The following TSPAN18 variants were observed in gnomAD, a reference collection of about 807,000 sequenced individuals.
The protein encoded by TSPAN18 is tetraspanin-18.
In TSPAN18, 14 loss-of-function variants were observed where a neutral mutation model predicts 27.3. The observed-to-expected ratio is 0.51, with a 90% confidence interval of 0.34 to 0.80. The LOEUF (loss-of-function observed/expected upper bound fraction) is 0.80. Among genes scored for constraint, TSPAN18 ranks in the 30% least tolerant of loss-of-function variants. The probability of loss-of-function intolerance (pLI) is 0.01; values close to 1 mark genes in which losing one functional copy is unlikely to be tolerated. For missense variants in TSPAN18, 268 were observed against 323.9 expected, an observed-to-expected ratio of 0.83 and a Z score of 1.32; for synonymous variants, 143 against 136.5, an observed-to-expected ratio of 1.05 and a Z score of -0.33.
intron 2 of TSPAN18, among the ~76,000 whole-genome samples, chr11:44,837,538 C>G (rs4755901): frequency 0.35 from 52,487 of 152,084 alleles, 9,653 homozygotes; most frequent in East Asian, 0.63. Flanking sequence ...GGCAGGGTTT[C>G]AAAGGATGGA....
intron 3 of TSPAN18, among the ~76,000 whole-genome samples, chr11:44,882,926 G>A (rs553048060): frequency 5.9e-5 from 9 of 152,156 alleles, no homozygotes; most frequent in Admixed American, 2.0e-4. Context: ...AAGCCCCGTC[G>A]GAGTCCTGCT....
At chr11:44,812,216 A>G (rs1856733278) in intron 2 of TSPAN18, among the ~76,000 whole-genome samples, 1 of 152,182 alleles carries the variant, frequency 6.6e-6, no homozygotes, top group Non-Finnish European at 1.5e-5. Flanking sequence ...CAGCCTGGCC[A>G]CTTCCTGGCT....
intron 2 of TSPAN18, among the ~76,000 whole-genome samples, chr11:44,818,592 A>AT (rs1334161740): frequency 1.3e-5 from 2 of 152,036 alleles, no homozygotes; most frequent in Non-Finnish European, 1.5e-5. Flanking sequence ...GAGCTAGAGC[A>AT]TCCCCCATTC....
intron 2 of TSPAN18, among the ~76,000 whole-genome samples, chr11:44,835,349 A>G (rs182997365): frequency 2.6e-5 from 4 of 152,362 alleles, no homozygotes; most frequent in African/African-American, 9.6e-5. Context: ...GCATATCCAT[A>G]TAGGGACTGG....
Position 44,930,720 on chromosome 11 carries a change from G to T in TSPAN18, c.*1542G>T, listed in dbSNP as rs1445237038. 2 of 404,630 alleles carry T rather than the reference G, an allele frequency of 4.9e-6. No homozygotes were observed. Among genetic ancestry groups the T allele is most frequent in the Admixed American group, 5.1e-5 (2 of 38,924 alleles). 25.1% of individuals were successfully genotyped at this position (404,630 alleles called of 1,614,324 possible). A position where few individuals can be genotyped will look rare whatever the true frequency, so the allele number is the denominator to read the frequency against. On this transcript the variant is annotated 3_prime_UTR_variant, in exon 10 of 10. Coordinates refer to ENST00000520358, the MANE Select transcript of TSPAN18 (RefSeq NM_130783.5). ...TGCTGGGGATCTGAGGTTTGGTCTG[G>T]GCTCAGTGGGAGACGGCAGTGCAAT...
At chr11:44,895,041 A>C (rs537754320) in intron 3 of TSPAN18, among the ~76,000 whole-genome samples, 1 of 152,306 alleles carries the variant, frequency 6.6e-6, no homozygotes, top group Admixed American at 6.5e-5. Context: ...AATAATACCC[A>C]CCTCCTAGGT....
At chr11:44,727,365 GC>G in intron 1 of TSPAN18, 78 bp downstream of exon 1, 1 of 152,630 alleles carries the variant, frequency 6.6e-6, no homozygotes, top group Non-Finnish European at 1.5e-5. Context: ...CCCGCGCGCC[GC>G]CCCGGGGGTG....
Position 44,812,531 on chromosome 11 carries a change from C to T in TSPAN18, c.-152-47797C>T, listed in dbSNP as rs147075175. 7.0e-3 allele frequency among the ~76,000 whole-genome samples: 1,071 copies of T among 152,292 alleles called. 9 individuals are homozygous for T. Among genetic ancestry groups the T allele is most frequent in the Non-Finnish European group, 0.011 (743 of 68,022 alleles). The stretch of plus-strand genomic sequence containing the variant: ...AAACAGACTCACAGAGGGGGCACCA[C>T]GTGCTGCTGGAACCCAGGGGAGGTG... On this transcript the variant is annotated intron_variant, in intron 2 of 9. Transcript: ENST00000520358.
At chr11:44,824,116 G>C (rs1856986124) in intron 2 of TSPAN18, among the ~76,000 whole-genome samples, 1 of 152,154 alleles carries the variant, frequency 6.6e-6, no homozygotes, top group Non-Finnish European at 1.5e-5. Flanking sequence ...CATCATTGAG[G>C]GTTTGGAGTT....
At chr11:44,849,007 C>T (rs565876211) in intron 2 of TSPAN18, among the ~76,000 whole-genome samples, 3 of 152,358 alleles carry the variant, frequency 2.0e-5, no homozygotes, top group Admixed American at 1.3e-4. Context: ...CTCTCTGAGC[C>T]TCCATTTCTT....
intron 2 of TSPAN18, among the ~76,000 whole-genome samples, chr11:44,813,453 G>T (rs890502095): frequency 3.9e-5 from 6 of 152,214 alleles, no homozygotes; most frequent in Non-Finnish European, 2.9e-5. Flanking sequence ...CAGTTCAAGT[G>T]CTCAGCACAC....
chr11:44,901,886 C>T (rs1489678519), intron 3 of TSPAN18, among the ~76,000 whole-genome samples: 4 of 152,206 alleles, frequency 2.6e-5, no homozygotes, highest in Admixed American at 6.5e-5. Flanking sequence ...GGGCATAGTA[C>T]GTCCTGCTTT....
chr11:44,732,652 T>A (rs1854691350), intron 1 of TSPAN18, among the ~76,000 whole-genome samples: 7 of 151,672 alleles, frequency 4.6e-5, no homozygotes, highest in Admixed American at 4.6e-4. Flanking sequence ...TGAGTAAGAG[T>A]TTTTTGGGAC....
chr11:44,912,895 C>T (rs1433003994), intron 5 of TSPAN18, among the ~76,000 whole-genome samples: 1 of 29,814 alleles, frequency 3.4e-5, no homozygotes, highest in African/African-American at 1.9e-4. Flanking sequence ...TGTGTGTGCA[C>T]ATGTGTGTTG....
intron 3 of TSPAN18, among the ~76,000 whole-genome samples, chr11:44,896,907 G>A (rs1053831654): frequency 2.6e-5 from 4 of 152,180 alleles, no homozygotes; most frequent in African/African-American, 9.7e-5. Context: ...GTGGATGGTA[G>A]GTGGGTGAGT....
At position 44,913,546 on chromosome 11, in the gene TSPAN18, G is replaced by C. The variant is rs549178026; in HGVS notation, c.258+3647G>C. Among the ~76,000 whole-genome samples the C allele has an allele frequency of 1.0e-3, 154 of 152,156 alleles. 1 individual carries two copies. The highest frequency in any genetic ancestry group is 1.4e-3 in the Non-Finnish European group (92 of 68,024). On this transcript the variant is annotated intron_variant, in intron 5 of 9. Transcript: ENST00000520358. Reference sequence around the variant, plus strand: ...ATTTTAAAAATATTTTATAATGAAGGCAAGCTCAACTGGAAAAAAGAACAG... The same window carrying C: ...ATTTTAAAAATATTTTATAATGAAGCCAAGCTCAACTGGAAAAAAGAACAG...
intron 2 of TSPAN18, among the ~76,000 whole-genome samples, chr11:44,792,833 G>A (rs1184916787): frequency 1.3e-5 from 2 of 152,162 alleles, no homozygotes; most frequent in Non-Finnish European, 2.9e-5. Context: ...GAGAGAGTGT[G>A]GCTTGTGGGG....
chr11:44,743,899 G>C (rs1184164678), intron 1 of TSPAN18, among the ~76,000 whole-genome samples: 1 of 152,224 alleles, frequency 6.6e-6, no homozygotes, highest in Non-Finnish European at 1.5e-5. Context: ...GGTACATTTT[G>C]CTGAAAATGC....
chr11:44,824,975 C>T (rs1857004776), intron 2 of TSPAN18, among the ~76,000 whole-genome samples: 1 of 152,222 alleles, frequency 6.6e-6, no homozygotes, highest in African/African-American at 2.4e-5. Context: ...GTCCTAGACA[C>T]AGACACTAAA....
Sources: gnomAD v4.1 joint callset for allele counts (sites outside exome capture counted in the v4.1 genomes callset) on GRCh38, gnomAD v4.1.1 for gene constraint, MANE v1.5 for transcripts, NCBI Gene and HGNC (gene_info 2026-07-23, HGNC 2026-07-21) for gene names.